Variants in TMEM259 observed in about 807,000 individuals in gnomAD.
TMEM259 encodes membralin.
TMEM259 carries 26 observed loss-of-function variants against 46.7 expected under a neutral mutation model. The observed-to-expected ratio is 0.56, with a 90% CI of 0.41 to 0.77. The LOEUF (loss-of-function observed/expected upper bound fraction) is 0.77. TMEM259 is among the 30% of genes least tolerant of loss of function. The probability of loss-of-function intolerance (pLI) is 0.00; values close to 1 mark genes in which losing one functional copy is unlikely to be tolerated. For missense variants in TMEM259, 930 were observed against 900.5 expected (o/e 1.03, Z -0.42); for synonymous variants, 494 against 395.1 (o/e 1.25, Z -2.97).
At chr19:1,014,113 A>G (rs2039028670) in intron 2 of TMEM259, 79 bp downstream of exon 2, 12 of 1,497,998 alleles carry the variant, frequency 8.0e-6, no homozygotes, top group Non-Finnish European at 1.1e-5. Context: ...CATCCTGTCG[A>G]TGTCAGGAAC....
chr19:1,011,530 G>GGCGGGGCGGGGTGCAGC (rs1420476379), intron 8 of TMEM259, 31 bp from the exon 9 acceptor site: 11 of 1,543,686 alleles, frequency 7.1e-6, no homozygotes, highest in South Asian at 1.2e-5. Flanking sequence ...GGTTGAAGCG[G>GGCGGGGCGGGGTGCAGC]GCGGGGCGGG....
In TMEM259 at chr19:1,010,377, C is replaced by T. The variant is rs766934371; in HGVS notation, c.1836G>A (p.Thr612=). The T allele has an allele frequency of 6.6e-6, 10 of 1,504,470 alleles. No individual in the cohort carries two copies. The highest frequency in any genetic ancestry group is 2.5e-5 in the Admixed American group (1 of 40,282). The allele number at this position is 1,504,470 out of a possible 1,614,324, so 93.2% of individuals were successfully genotyped here. A position where few individuals can be genotyped will look rare whatever the true frequency, so the allele number is the denominator to read the frequency against. The change falls in exon 11 of 11, where the codon ACG becomes ACA. Residue 612 remains threonine, a synonymous_variant. Transcript: ENST00000356663. ...AGGACCCCACCTCCGAGGGCGCCTC[C>T]GTTGGGGCCATGGAGGCCGGGCTAG... ...GGPSPASMAP[T]EAPSEVGS
rs775049139 is a variant in TMEM259, at chr19:1,010,366, G to A, written c.1847C>T (p.Ser616Leu). ...CTGTGCGGCTCAGGACCCCACCTCC[G>A]AGGGCGCCTCCGTTGGGGCCATGGA... ...PASMAPTEAP[S>L]EVGS Residue 616 changes from serine (S) to leucine (L), a missense_variant, in exon 11 of 11, where the codon TCG (serine) becomes TTG (leucine). Ser to Leu is a moderately radical substitution (Grantham distance 145, BLOSUM62 -2). Transcript: ENST00000356663. 3.3e-6 allele frequency: 5 copies of A among 1,493,920 alleles called. No homozygotes were observed. The highest frequency in any genetic ancestry group is 2.6e-5 in the South Asian group (2 of 75,780). 92.5% of individuals were successfully genotyped at this position (1,493,920 alleles called of 1,614,324 possible).
chr19:1,020,701 G>A lies in TMEM259; in HGVS notation c.225+71C>T, dbSNP rs1281921497. Reference sequence around the variant, plus strand: ...GTCCCCAGCGGGGCCAGGGGTCGCGGTCGGAGGTAGCAGACTTGGGGGTCG... The same window carrying A: ...GTCCCCAGCGGGGCCAGGGGTCGCGATCGGAGGTAGCAGACTTGGGGGTCG... On this transcript the variant is annotated intron_variant, in intron 1 of 10. Transcript: ENST00000356663. This position sits in a 1 kb window ranked among gnomAD's most constrained non-coding sequence, Gnocchi z 4.0. 1.7e-6 allele frequency: 2 copies of A among 1,153,546 alleles called. No homozygotes were observed. Among genetic ancestry groups the A allele is most frequent in the Non-Finnish European group, 2.2e-6 (2 of 900,228 alleles). The allele number at this position is 1,153,546 out of a possible 1,614,324, so 71.5% of individuals were successfully genotyped here.
chr19:1,013,173 G>C, intron 3 of TMEM259, 68 bp downstream of exon 3: 1 of 1,396,318 alleles, frequency 7.2e-7, no homozygotes, highest in Non-Finnish European at 1.0e-6. Flanking sequence ...GAGGGACCCC[G>C]CCTGCACCCC....
chr19:1,012,360 G>A, intron 4 of TMEM259, 103 bp downstream of exon 4: 1 of 1,503,780 alleles, frequency 6.6e-7, no homozygotes, highest in Non-Finnish European at 8.9e-7. Context: ...GCAGACCCCA[G>A]TGCTTCCTGC....
chr19:1,013,224 T>C lies in TMEM259; in HGVS notation c.607+17A>G, dbSNP rs2145580611. 2 of 1,609,262 alleles carry C rather than the reference T, an allele frequency of 1.2e-6. No individual in the cohort carries two copies. The highest frequency in any genetic ancestry group is 2.2e-5 in the East Asian group (1 of 44,826). On this transcript the variant is annotated intron_variant, in intron 3 of 10. Transcript: ENST00000356663. ...AGGCAACCCCGTGAGGCAGTACACC[T>C]TTGGTGGGTGGCCTACCTTTGGTGG...
Position 1,020,853 on chromosome 19 carries a change from C to G in TMEM259, c.144G>C (p.Leu48=), listed in dbSNP as rs747799288. 3.6e-6 allele frequency: 5 copies of G among 1,373,722 alleles called. No homozygotes were observed. The highest frequency in any genetic ancestry group is 4.7e-6 in the Non-Finnish European group (5 of 1,057,148). 85.1% of individuals were successfully genotyped at this position (1,373,722 alleles called of 1,614,324 possible). Residue 48 remains leucine (L), a synonymous_variant, in exon 1 of 11, where the codon CTG becomes CTC. Transcript: ENST00000356663. This position sits in a 1 kb window ranked among gnomAD's most constrained non-coding sequence, Gnocchi z 4.0. The part of the protein sequence containing the change: ...INVRDRLFHA[L]FFKMAVTYSR... ...AATAGGTGACAGCCATCTTGAAGAA[C>G]AGCGCGTGGAAGAGCCGGTCGCGCA...
Position 1,010,458 on chromosome 19 carries a change from G to T in TMEM259, c.1755C>A (p.Pro585=), listed in dbSNP as rs747710292. Residue 585 remains proline (P), a synonymous_variant, in exon 11 of 11, where the codon CCC becomes CCA. Coordinates refer to ENST00000356663, the MANE Select transcript of TMEM259 (RefSeq NM_001033026.2). The stretch of plus-strand genomic sequence containing the variant: ...TGTCAGAAGCTGCGGAGTCACTCGG[G>T]GGGACACTGTCCTGGGGGGCGTGGG... ...GLPHAPQDSV[P]PSDSAASDTT... is the part of the protein sequence containing the mutation. 3.9e-6 allele frequency: 6 copies of T among 1,540,244 alleles called. No homozygotes were observed. In the South Asian group the frequency reaches 7.2e-5, roughly 18 times the overall value.
intron 2 of TMEM259, 71 bp downstream of exon 2, chr19:1,014,121 A>AACC: frequency 2.6e-6 from 4 of 1,533,374 alleles, no homozygotes; most frequent in Non-Finnish European, 3.5e-6. Flanking sequence ...CGATGTCAGG[A>AACC]ACCGCCCCTT....
Position 1,014,358 on chromosome 19 carries a change from T to C in TMEM259, c.341A>G (p.Glu114Gly). 2 of 1,612,970 alleles carry C rather than the reference T, an allele frequency of 1.2e-6. No individual in the cohort carries two copies. Among genetic ancestry groups the C allele is most frequent in the Non-Finnish European group, 1.7e-6 (2 of 1,179,902 alleles). The change falls in exon 2 of 11, where the codon GAA (glutamate) becomes GGA (glycine). Residue 114 changes from glutamate to glycine, a missense_variant. Physicochemically the swap from Glu to Gly is moderately conservative, Grantham distance 98 (BLOSUM62 -2). Transcript: ENST00000356663. ...CGCGCGGCTCGAGTTGTGCCGCACT[T>C]CCACACGCAGGATGCCCTCACGCGG... is the stretch of plus-strand genomic sequence containing the variant. ...KWPREGILRVEVRHNSSRAPV... is the reference protein window; with the variant it reads ...KWPREGILRVGVRHNSSRAPV...
At chr19:1,010,934 C>A in intron 10 of TMEM259, 39 bp from the exon 11 acceptor site, 4 of 1,572,640 alleles carry the variant, frequency 2.5e-6, no homozygotes, top group Non-Finnish European at 2.6e-6. Context: ...GGGCCCGCCC[C>A]TGCCCCACCC....
In TMEM259 at chr19:1,011,999, C is replaced by T. The variant is rs1568401559; in HGVS notation, c.842-7G>A. The T allele has an allele frequency of 6.2e-7, 1 of 1,611,770 alleles. No homozygotes were observed. Among genetic ancestry groups the T allele is most frequent in the Admixed American group, 1.7e-5 (1 of 59,948 alleles). ...ACCACATTCCGCAGGAAGCCTGCAGCAGAAGGAGCCGTGAGCGCCCGCCCC... is the reference window on the plus strand; with the variant it reads ...ACCACATTCCGCAGGAAGCCTGCAGTAGAAGGAGCCGTGAGCGCCCGCCCC... On this transcript the variant is annotated splice_region_variant and splice_polypyrimidine_tract_variant and intron_variant, in intron 5 of 10. Transcript: ENST00000356663.
rs372779173 is a variant in TMEM259, at chr19:1,012,149, C to T, written c.758G>A (p.Arg253His). ...RDQCFGDRFSRLLLDEFLGYD... is the reference protein window; with the variant it reads ...RDQCFGDRFSHLLLDEFLGYD... The stretch of plus-strand genomic sequence containing the variant: ...GCCCAGGAACTCATCCAGCAGCAGG[C>T]GGCTGAAGCGGTCCCCGAAGCACTG... The change falls in exon 5 of 11, where the codon CGC becomes CAC. Residue 253 changes from arginine (R) to histidine (H), a missense_variant. Arg to His is a conservative substitution (Grantham distance 29, BLOSUM62 0). Coordinates refer to ENST00000356663, the MANE Select transcript of TMEM259 (RefSeq NM_001033026.2). 242 of 1,607,636 alleles carry T rather than the reference C, an allele frequency of 1.5e-4. 2 individuals are homozygous for T. In the Middle Eastern group the frequency reaches 3.5e-3, roughly 23 times the overall value.
In TMEM259 at chr19:1,011,411, G is replaced by A. The variant is rs778405257; in HGVS notation, c.1173C>T (p.Asp391=). ...ILIVWLADQY[D]AICCHTSTSK... is the part of the protein sequence containing the mutation. ...TGGTGCTGGTGTGGCAGCAGATGGCGTCATACTGGTCCGCGAGCCACACGA... is the reference window on the plus strand; with the variant it reads ...TGGTGCTGGTGTGGCAGCAGATGGCATCATACTGGTCCGCGAGCCACACGA... The change falls in exon 9 of 11, where the codon GAC becomes GAT. Residue 391 remains aspartate (D), a synonymous_variant. Transcript: ENST00000356663. 8.3e-6 allele frequency: 13 copies of A among 1,562,226 alleles called. No individual in the cohort carries two copies. The highest frequency in any genetic ancestry group is 2.1e-4 in the Middle Eastern group (1 of 4,732).
chr19:1,013,257 G>T lies in TMEM259; in HGVS notation c.591C>A (p.Pro197=), dbSNP rs142622215. ...ALNDSQEFPF[P]ETPTKVWPQD... ...GTGGCCTACCTTTGGTGGGCGTCTCGGGGAAGGGGAACTCCTGGCTGTCAT... is the reference window on the plus strand; with the variant it reads ...GTGGCCTACCTTTGGTGGGCGTCTCTGGGAAGGGGAACTCCTGGCTGTCAT... Residue 197 remains proline, a synonymous_variant, in exon 3 of 11, where the codon CCC becomes CCA. Transcript: ENST00000356663. 150 of 1,613,678 alleles carry T rather than the reference G, an allele frequency of 9.3e-5. No individual in the cohort carries two copies. Among genetic ancestry groups the T allele is most frequent in the Non-Finnish European group, 5.5e-5 (65 of 1,179,786 alleles).
intron 1 of TMEM259, among the ~76,000 whole-genome samples, chr19:1,018,450 C>T (rs35282276): frequency 0.019 from 2,850 of 152,194 alleles, 55 homozygotes; most frequent in East Asian, 0.1. Flanking sequence ...GCTGGGAGCT[C>T]AGCTGCACAG....
chr19:1,011,263 C>T lies in TMEM259; in HGVS notation c.1218-68G>A, dbSNP rs556997375. 1.1e-4 allele frequency: 168 copies of T among 1,541,678 alleles called. 1 individual carries two copies. The South Asian group carries it at 1.8e-3, about 17-fold the overall frequency. Reference sequence around the variant, plus strand: ...TGCCAGGCCCAGCCCCTGGGGTTCCCGCGTGGCGCAGCCACCACCCCCGCC... The same window carrying T: ...TGCCAGGCCCAGCCCCTGGGGTTCCTGCGTGGCGCAGCCACCACCCCCGCC... On this transcript the variant is annotated intron_variant, in intron 9 of 10. Transcript: ENST00000356663.
chr19:1,012,023 C>T, intron 5 of TMEM259, 31 bp from the exon 6 acceptor site: 1 of 1,611,712 alleles, frequency 6.2e-7, no homozygotes, highest in Non-Finnish European at 8.5e-7. Flanking sequence ...AGCGCCCGCC[C>T]CCACCCGCGC....
Sources: allele counts gnomAD v4.1 joint callset (sites outside exome capture counted in the v4.1 genomes callset), GRCh38; gene constraint gnomAD v4.1.1; non-coding constraint Gnocchi (gnomAD v3.1); transcripts MANE v1.5; gene names NCBI Gene and HGNC (gene_info 2026-07-23, HGNC 2026-07-21).